The following CPS1 variants were observed in gnomAD, a reference collection of about 807,000 sequenced individuals.
CPS1 encodes the protein carbamoyl-phosphate synthase [ammonia], mitochondrial.
CPS1 carries 109 observed loss-of-function variants against 174.6 expected under a neutral mutation model. The observed-to-expected ratio is 0.62, with a 90% CI of 0.53 to 0.73. The LOEUF is 0.73. Ranked by LOEUF, CPS1 falls within the 30% of genes least tolerant of loss-of-function variation. CPS1 has a pLI of 0.00. For missense variants in CPS1, 1,689 were observed against 1,821.9 expected (o/e 0.93, Z 1.33); for synonymous variants, 637 against 632.0 (o/e 1.01, Z -0.12).
intron 21 of CPS1, among the ~76,000 whole-genome samples, chr2:210,629,299 T>C (rs1001780643): frequency 6.6e-6 from 1 of 152,194 alleles, no homozygotes; most frequent in Non-Finnish European, 1.5e-5. Context: ...AGCTATTTGA[T>C]TGGTATCAGC....
At chr2:210,571,855 T>TTGTGTGTG (rs71043997) in intron 1 of CPS1, among the ~76,000 whole-genome samples, 216 of 139,640 alleles carry the variant, frequency 1.5e-3, no homozygotes, top group Middle Eastern at 3.6e-3. Flanking sequence ...CTACTAAAGT[T>TTGTGTGTG]TGTGTGTGTG....
intron 25 of CPS1, among the ~76,000 whole-genome samples, chr2:210,645,287 G>A (rs1430049110): frequency 6.6e-6 from 1 of 151,878 alleles, no homozygotes; most frequent in Non-Finnish European, 1.5e-5. Context: ...AGTCGTCAAT[G>A]ATGAGAATTT....
At position 210,679,103 on chromosome 2, in the gene CPS1, G is replaced by A. The variant is rs1236295270; in HGVS notation, c.*1118G>A. ...ACTTTTAAATAAAATACTATTAAGA[G>A]GTAATGCAGTTGAATCTGGTTTTAT... is the stretch of plus-strand genomic sequence containing the variant. On this transcript the variant is annotated 3_prime_UTR_variant, in exon 38 of 38. Transcript: ENST00000233072. The A allele has an allele frequency of 6.6e-6, 1 of 152,154 alleles. No individual in the cohort carries two copies. The highest frequency in any genetic ancestry group is 1.5e-5 in the Non-Finnish European group (1 of 68,030). The allele number at this position is 152,154 out of a possible 1,614,324, so 9.4% of individuals were successfully genotyped here. A position where few individuals can be genotyped will look rare whatever the true frequency, so the allele number is the denominator to read the frequency against.
At chr2:210,608,156 C>T (rs779028753) in intron 18 of CPS1, among the ~76,000 whole-genome samples, 2 of 151,802 alleles carry the variant, frequency 1.3e-5, no homozygotes, top group Non-Finnish European at 2.9e-5. Context: ...AGTAAATTCT[C>T]CTGTGACCTG....
At chr2:210,670,853 GAA>G (rs1701277508) in intron 34 of CPS1, among the ~76,000 whole-genome samples, 1 of 152,098 alleles carries the variant, frequency 6.6e-6, no homozygotes, top group Non-Finnish European at 1.5e-5. Context: ...TGGGAAGTTT[GAA>G]ATATTCATAA....
chr2:210,545,778 C>T (rs1485970491), intron 1 of CPS1, among the ~76,000 whole-genome samples: 1 of 151,954 alleles, frequency 6.6e-6, no homozygotes, highest in African/African-American at 2.4e-5. Context: ...ATCATCAGAC[C>T]TTTTAGCCAG....
intron 21 of CPS1, among the ~76,000 whole-genome samples, chr2:210,624,363 A>T (rs1390297987): frequency 1.3e-5 from 2 of 152,132 alleles, no homozygotes; most frequent in Non-Finnish European, 2.9e-5. Context: ...AAACAGTCTT[A>T]CCAGTTATTA....
intron 21 of CPS1, among the ~76,000 whole-genome samples, chr2:210,622,172 T>C (rs1208626547): frequency 1.3e-5 from 2 of 151,580 alleles, no homozygotes; most frequent in African/African-American, 2.4e-5. Context: ...GCTATTTATG[T>C]GAGCAATATT....
intron 19 of CPS1, among the ~76,000 whole-genome samples, chr2:210,609,453 T>C (rs1252786774): frequency 2.0e-5 from 3 of 151,954 alleles, no homozygotes; most frequent in African/African-American, 7.2e-5. Context: ...TCCACACCTA[T>C]AAAATAGAAA....
chr2:210,485,980 G>A (rs1211210658), intron 1 of CPS1, among the ~76,000 whole-genome samples: 1 of 151,560 alleles, frequency 6.6e-6, no homozygotes, highest in Non-Finnish European at 1.5e-5. Context: ...ATTTGTAGTA[G>A]TATCGCATTG....
chr2:210,668,995 G>T (rs976447780), intron 34 of CPS1, among the ~76,000 whole-genome samples: 5 of 152,076 alleles, frequency 3.3e-5, no homozygotes, highest in African/African-American at 7.2e-5. Context: ...ACTCCAGATT[G>T]AAAGTTTTTG....
intron 2 of CPS1, among the ~76,000 whole-genome samples, chr2:210,574,200 G>T (rs1697610349): frequency 6.6e-6 from 1 of 151,956 alleles, no homozygotes; most frequent in South Asian, 2.1e-4. Flanking sequence ...GAGGGGGTTG[G>T]ATTAAATACT....
intron 34 of CPS1, among the ~76,000 whole-genome samples, chr2:210,670,049 G>C (rs1395328098): frequency 6.6e-6 from 1 of 152,040 alleles, no homozygotes; most frequent in African/African-American, 2.4e-5. Context: ...GGGGAAAAAA[G>C]GGTTTGTTAG....
At chr2:210,550,395 G>T (rs1358446705) in intron 1 of CPS1, among the ~76,000 whole-genome samples, 1 of 151,932 alleles carries the variant, frequency 6.6e-6, no homozygotes, top group Non-Finnish European at 1.5e-5. Flanking sequence ...CCAAGAGGAT[G>T]AACATTGCCT....
intron 1 of CPS1, among the ~76,000 whole-genome samples, chr2:210,483,776 G>C (rs1210115153): frequency 2.6e-5 from 4 of 152,086 alleles, no homozygotes; most frequent in African/African-American, 9.7e-5. Flanking sequence ...TTTTACATCT[G>C]TCTGCAAAAA....
At chr2:210,605,834 C>CA in intron 17 of CPS1, among the ~76,000 whole-genome samples, 1 of 151,808 alleles carries the variant, frequency 6.6e-6, no homozygotes, top group South Asian at 2.1e-4. Context: ...TAGGCATAGA[C>CA]AAAGTATTCA....
chr2:210,588,500 G>T (rs935731197), intron 7 of CPS1, among the ~76,000 whole-genome samples: 2 of 151,984 alleles, frequency 1.3e-5, no homozygotes, highest in Non-Finnish European at 2.9e-5. Context: ...TCTCCTTTGG[G>T]CTTACATTTA....
At chr2:210,611,062 A>G (rs1213566382) in intron 19 of CPS1, among the ~76,000 whole-genome samples, 1 of 151,924 alleles carries the variant, frequency 6.6e-6, no homozygotes, top group Non-Finnish European at 1.5e-5. Context: ...ACAATCTATA[A>G]ACATATTGTC....
intron 1 of CPS1, 77 bp downstream of exon 1, chr2:210,556,936 A>G: frequency 5.3e-6 from 8 of 1,502,718 alleles, no homozygotes; most frequent in Non-Finnish European, 7.4e-6. Context: ...GTCCCTTACA[A>G]GGCAAATACA....
Sources: gnomAD v4.1 joint callset for allele counts (sites outside exome capture counted in the v4.1 genomes callset) on GRCh38, gnomAD v4.1.1 for gene constraint, MANE v1.5 for transcripts, NCBI Gene and HGNC (gene_info 2026-07-23, HGNC 2026-07-21) for gene names.